Variants in ANKFN1 observed in about 807,000 individuals in gnomAD.
The protein encoded by ANKFN1 is ankyrin repeat and fibronectin type-III domain-containing protein 1.
A neutral mutation model predicts 108.7 loss-of-function variants in ANKFN1; 74 were observed. The observed-to-expected ratio is 0.68, with a 90% CI of 0.56 to 0.83. The LOEUF (loss-of-function observed/expected upper bound fraction) is 0.83. Ranked by LOEUF, ANKFN1 falls within the 40% of genes least tolerant of loss-of-function variation. The pLI, the probability that ANKFN1 is intolerant of heterozygous loss-of-function variation, is 0.00. For synonymous variants in ANKFN1, 547 were observed against 516.2 expected, an observed-to-expected ratio of 1.06 and a Z score of -0.81; for missense variants, 1,505 against 1,382.3, an observed-to-expected ratio of 1.09 and a Z score of -1.41.
chr17:56,088,707 A>G (rs1905359176), intron 4 of ANKFN1, among the ~76,000 whole-genome samples: 1 of 150,922 alleles, frequency 6.6e-6, no homozygotes, highest in Non-Finnish European at 1.5e-5. Flanking sequence ...AGGGAAAATT[A>G]CTGTGATTCC....
intron 3 of ANKFN1, among the ~76,000 whole-genome samples, chr17:56,248,280 G>A (rs2043161103): frequency 6.6e-6 from 1 of 152,080 alleles, no homozygotes; most frequent in African/African-American, 2.4e-5. Flanking sequence ...GAGAAGCCTT[G>A]GTGCATGCAC....
In ANKFN1 at chr17:56,084,413, T is replaced by A. The variant is rs551997634; in HGVS notation, c.288+38088T>A. Among the ~76,000 whole-genome samples, 83 of 151,550 alleles carry A rather than the reference T, an allele frequency of 5.5e-4. 1 individual carries two copies. Among genetic ancestry groups the A allele is most frequent in the African/African-American group, 2.0e-3 (81 of 41,326 alleles). On this transcript the variant is annotated intron_variant, in intron 4 of 12. Transcript: ENST00000635860. ...GGTATTGTGTGAATAAAGACCTGAT[T>A]TTCCCTGTAAGACACATTTGGTTTT... is the stretch of plus-strand genomic sequence containing the variant.
At chr17:56,332,466 A>G (rs1255252305) in intron 4 of ANKFN1, among the ~76,000 whole-genome samples, 1 of 152,120 alleles carries the variant, frequency 6.6e-6, no homozygotes, top group Non-Finnish European at 1.5e-5. Context: ...ATTTTTGTAT[A>G]TGATGTGAAA....
At chr17:56,289,838 T>C (rs1481701147) in intron 3 of ANKFN1, among the ~76,000 whole-genome samples, 1 of 152,226 alleles carries the variant, frequency 6.6e-6, no homozygotes, top group African/African-American at 2.4e-5. Flanking sequence ...AGTAACTGTT[T>C]CTGCCATAGT....
chr17:56,444,471 G>A (rs2049215771), intron 10 of ANKFN1, among the ~76,000 whole-genome samples: 1 of 152,046 alleles, frequency 6.6e-6, no homozygotes, highest in Non-Finnish European at 1.5e-5. Flanking sequence ...CCATGAATCA[G>A]GCAGTTTGTA....
chr17:56,253,286 A>G (rs554687910), intron 3 of ANKFN1, among the ~76,000 whole-genome samples: 1 of 152,334 alleles, frequency 6.6e-6, no homozygotes, highest in South Asian at 2.1e-4. Flanking sequence ...CAGAAGAAAT[A>G]CAACTGCTCT....
intron 11 of ANKFN1, among the ~76,000 whole-genome samples, chr17:56,454,858 C>G (rs917121617): frequency 6.6e-6 from 1 of 152,184 alleles, no homozygotes; most frequent in African/African-American, 2.4e-5. Context: ...GTCTCCCACT[C>G]CGGAGATGTA....
chr17:56,267,526 G>T (rs1381597224), intron 3 of ANKFN1, among the ~76,000 whole-genome samples: 1 of 152,048 alleles, frequency 6.6e-6, no homozygotes, highest in African/African-American at 2.4e-5. Context: ...GTTAGTTTTA[G>T]GTTTTATATT....
intron 8 of ANKFN1, among the ~76,000 whole-genome samples, chr17:56,395,888 C>T (rs1468780900): frequency 6.6e-6 from 1 of 152,090 alleles, no homozygotes; most frequent in Non-Finnish European, 1.5e-5. Flanking sequence ...TGATTCCCTT[C>T]CCTGGAACTT....
At chr17:56,448,707 T>A (rs1404150886) in intron 10 of ANKFN1, among the ~76,000 whole-genome samples, 1 of 152,202 alleles carries the variant, frequency 6.6e-6, no homozygotes, top group Non-Finnish European at 1.5e-5. Context: ...AAAATCCAGT[T>A]GAGACTCGGG....
At chr17:56,089,382 C>T (rs1202857844) in intron 4 of ANKFN1, among the ~76,000 whole-genome samples, 1 of 151,338 alleles carries the variant, frequency 6.6e-6, no homozygotes. Context: ...TATACATGTC[C>T]TTGCACTTGA....
intron 5 of ANKFN1, among the ~76,000 whole-genome samples, chr17:56,353,486 C>T (rs1247703578): frequency 6.6e-6 from 1 of 152,142 alleles, no homozygotes; most frequent in African/African-American, 2.4e-5. Flanking sequence ...ATCTGCCCAC[C>T]TTGGCCTCCC....
intron 8 of ANKFN1, among the ~76,000 whole-genome samples, chr17:56,414,012 C>G (rs946157417): frequency 1.3e-5 from 2 of 152,100 alleles, no homozygotes; most frequent in Non-Finnish European, 2.9e-5. Flanking sequence ...TAGGTTGAAC[C>G]AAACTTGCAT....
At chr17:56,075,439 T>C (rs1456865839) in intron 4 of ANKFN1, among the ~76,000 whole-genome samples, 2 of 152,106 alleles carry the variant, frequency 1.3e-5, no homozygotes, top group African/African-American at 4.8e-5. Context: ...GTTCTCAGCA[T>C]CTCCTCAAGT....
Position 56,229,661 on chromosome 17 carries a change from CAAAAAAAAA to C in ANKFN1, c.53+1723_53+1731del, listed in dbSNP as rs58714064. 1.2e-4 allele frequency among the ~76,000 whole-genome samples: 5 copies of C among 40,186 alleles called. No homozygotes were observed. The Admixed American group carries it at 1.3e-3, about 11-fold the overall frequency. The allele number at this position is 40,186 out of a possible 152,430, so 26.4% of individuals were successfully genotyped here. On this transcript the variant is annotated intron_variant, in intron 3 of 20. Coordinates refer to ENST00000682825, the MANE Select transcript of ANKFN1 (RefSeq NM_001370326.1). ...AAAGCACCCGTTACCTTTCAGATTG[CAAAAAAAAA>C]AAAAAAAAAAAAAAAAAAGGGGGGT...
intron 3 of ANKFN1, among the ~76,000 whole-genome samples, chr17:56,265,753 A>T (rs900031974): frequency 1.3e-5 from 2 of 152,204 alleles, no homozygotes; most frequent in Non-Finnish European, 2.9e-5. Context: ...ATTTACTTTA[A>T]ATCATCTGTA....
chr17:56,164,363 C>T (rs1434055959), intron 1 of ANKFN1, among the ~76,000 whole-genome samples: 2 of 152,098 alleles, frequency 1.3e-5, no homozygotes, highest in African/African-American at 2.4e-5. Context: ...CGCCATAGTT[C>T]GCTGCCCATC....
intron 4 of ANKFN1, among the ~76,000 whole-genome samples, chr17:56,331,998 C>T (rs891132298): frequency 6.6e-6 from 1 of 152,074 alleles, no homozygotes; most frequent in African/African-American, 2.4e-5. Flanking sequence ...CAGTCTATAG[C>T]AAGCAATAGA....
Position 56,050,964 on chromosome 17 carries a change from T to C in ANKFN1, c.288+4639T>C, listed in dbSNP as rs1347817690. Among the ~76,000 whole-genome samples the C allele has an allele frequency of 2.2e-5, 3 of 135,026 alleles. No individual in the cohort carries two copies. In the East Asian group the frequency reaches 6.5e-4, roughly 29 times the overall value. The allele number at this position is 135,026 out of a possible 152,430, so 88.6% of individuals were successfully genotyped here. A position where few individuals can be genotyped will look rare whatever the true frequency, so the allele number is the denominator to read the frequency against. On this transcript the variant is annotated intron_variant, in intron 4 of 12. Transcript: ENST00000635860. The stretch of plus-strand genomic sequence containing the variant: ...CAAAAAGAGTCCAGGACCAGATGGA[T>C]TCACAGCCGAATTCTACCAGAGGTA...
Sources: gnomAD v4.1 joint callset for allele counts (sites outside exome capture counted in the v4.1 genomes callset) on GRCh38, gnomAD v4.1.1 for gene constraint, MANE v1.5 for transcripts, NCBI Gene and HGNC (gene_info 2026-07-23, HGNC 2026-07-21) for gene names.